PEX14: variants seen among roughly 807,000 people sequenced by gnomAD.
PEX14 encodes the protein peroxisomal biogenesis factor 14.
Under a neutral mutation model 49.5 loss-of-function variants are expected in PEX14, and 15 were observed. The observed-to-expected ratio is 0.30, with a 90% CI of 0.20 to 0.47. PEX14 has a LOEUF of 0.47. Among genes scored for constraint, PEX14 ranks in the 20% least tolerant of loss-of-function variants. PEX14 has a pLI of 1.00. For missense variants in PEX14, 398 were observed against 494.8 expected (o/e 0.80, Z 1.86); for synonymous variants, 210 against 212.7 (o/e 0.99, Z 0.11).
At chr1:10,575,705 TTTTC>T (rs879862816) in intron 3 of PEX14, among the ~76,000 whole-genome samples, 13 of 152,240 alleles carry the variant, frequency 8.5e-5, no homozygotes, top group East Asian at 1.9e-4. Context: ...ACTTAATTTA[TTTTC>T]TTTCTTTCTT....
chr1:10,477,069 ACTTTT>A (rs754475330), intron 1 of PEX14, among the ~76,000 whole-genome samples: 156 of 148,376 alleles, frequency 1.1e-3, no homozygotes, highest in Non-Finnish European at 1.8e-3. Context: ...AAAAACTTGA[ACTTTT>A]CTTTTTTTTT....
At chr1:10,537,226 G>T (rs1163222413) in intron 3 of PEX14, among the ~76,000 whole-genome samples, 1 of 150,344 alleles carries the variant, frequency 6.7e-6, no homozygotes, top group African/African-American at 2.5e-5. Flanking sequence ...TTGGGCAGAA[G>T]AAGCCCAAAC....
chr1:10,529,878 T>C lies in PEX14; in HGVS notation c.85-6335T>C, dbSNP rs137969411. 3.3e-3 allele frequency among the ~76,000 whole-genome samples: 501 copies of C among 152,304 alleles called. 2 individuals are homozygous for C. The highest frequency in any genetic ancestry group is 0.012 in the African/African-American group (488 of 41,566). ...AATTAGGGCCCACAAGCTTAATTAG[T>C]ATAGTGTTGTAACCCAAATCAACAA... On this transcript the variant is annotated intron_variant, in intron 2 of 8. Coordinates refer to ENST00000356607, the MANE Select transcript of PEX14 (RefSeq NM_004565.3). This position sits in a 1 kb window ranked among gnomAD's most constrained non-coding sequence, Gnocchi z 4.2.
chr1:10,531,714 A>G (rs1570219478), intron 2 of PEX14, among the ~76,000 whole-genome samples: 1 of 152,082 alleles, frequency 6.6e-6, no homozygotes, highest in East Asian at 1.9e-4. Flanking sequence ...ACATCTTAGG[A>G]GATAGATGTG....
At chr1:10,579,318 AAAAT>A (rs1236847191) in intron 3 of PEX14, among the ~76,000 whole-genome samples, 2 of 152,152 alleles carry the variant, frequency 1.3e-5, no homozygotes, top group Non-Finnish European at 1.5e-5. Context: ...ATGAAGGAAA[AAAAT>A]AAAGACATTA....
intron 2 of PEX14, chr1:10,524,379 CA>C: frequency 2.8e-6 from 2 of 709,496 alleles, no homozygotes; most frequent in Non-Finnish European, 3.5e-6. Context: ...CTTCAGATAA[CA>C]AAAAGTGAAC....
chr1:10,578,698 G>C (rs1165909409), intron 3 of PEX14, among the ~76,000 whole-genome samples: 6 of 152,176 alleles, frequency 3.9e-5, no homozygotes. Context: ...AGGGTAAAGA[G>C]GTGAGGAGTT....
chr1:10,495,153 C>A lies in PEX14; in HGVS notation c.37-121C>A. The A allele has an allele frequency of 6.4e-7, 1 of 1,568,124 alleles. No homozygotes were observed. The highest frequency in any genetic ancestry group is 1.8e-5 in the Admixed American group (1 of 55,184). ...CAAAATACTCTTGTGTCGTGAAAAACCAGTGAGAGATGTGAGAAAGAGGTG... is the reference window on the plus strand; with the variant it reads ...CAAAATACTCTTGTGTCGTGAAAAAACAGTGAGAGATGTGAGAAAGAGGTG... On this transcript the variant is annotated intron_variant, in intron 1 of 8. Transcript: ENST00000356607. This position sits in a 1 kb window ranked among gnomAD's most constrained non-coding sequence, Gnocchi z 4.2.
chr1:10,605,688 GCCTCCA>G (rs1641106852), intron 4 of PEX14, among the ~76,000 whole-genome samples: 1 of 152,148 alleles, frequency 6.6e-6, no homozygotes, highest in Admixed American at 6.5e-5. Flanking sequence ...AGCAAATGTC[GCCTCCA>G]CCTCTCTCTC....
At chr1:10,483,937 G>C (rs1454574142) in intron 1 of PEX14, among the ~76,000 whole-genome samples, 2 of 127,914 alleles carry the variant, frequency 1.6e-5, no homozygotes, top group Non-Finnish European at 3.3e-5. Flanking sequence ...AATGAATTAT[G>C]TATTCTTTTA....
intron 3 of PEX14, among the ~76,000 whole-genome samples, chr1:10,565,912 G>C (rs1639790982): frequency 6.6e-6 from 1 of 152,178 alleles, no homozygotes; most frequent in African/African-American, 2.4e-5. Flanking sequence ...GGCTGAGGTG[G>C]GAAGATCTCT....
chr1:10,485,948 G>A (rs1641361097), intron 1 of PEX14, among the ~76,000 whole-genome samples: 2 of 151,756 alleles, frequency 1.3e-5, no homozygotes, highest in Non-Finnish European at 2.9e-5. Flanking sequence ...AGTAGAGACG[G>A]GGTTTCACCA....
intron 4 of PEX14, among the ~76,000 whole-genome samples, chr1:10,607,987 A>C (rs1641171426): frequency 6.6e-6 from 1 of 152,154 alleles, no homozygotes; most frequent in African/African-American, 2.4e-5. Flanking sequence ...GTCTTCTAGG[A>C]GACACTGTCT....
intron 4 of PEX14, among the ~76,000 whole-genome samples, chr1:10,607,117 A>G (rs530999627): frequency 1.3e-5 from 2 of 152,042 alleles, no homozygotes; most frequent in African/African-American, 4.8e-5. Flanking sequence ...TCTTTTTTTA[A>G]TATAAATAGA....
At chr1:10,527,872 T>C (rs1479918394) in intron 2 of PEX14, among the ~76,000 whole-genome samples, 1 of 152,126 alleles carries the variant, frequency 6.6e-6, no homozygotes, top group Non-Finnish European at 1.5e-5. Flanking sequence ...GGTTTCGCCA[T>C]GTTGGCCAGG....
intron 3 of PEX14, among the ~76,000 whole-genome samples, chr1:10,564,241 T>C (rs1031339440): frequency 1.2e-4 from 19 of 152,296 alleles, no homozygotes; most frequent in African/African-American, 4.6e-4. Context: ...GTTGTAATTG[T>C]GTTAGACCTT....
rs530187677 is a variant in PEX14, at chr1:10,613,478, C to T, written c.299-4854C>T. On this transcript the variant is annotated intron_variant, in intron 4 of 8. Transcript: ENST00000356607. This position sits in a 1 kb window ranked among gnomAD's most constrained non-coding sequence, Gnocchi z 5.0. ...CCTTTGCTCTATAGCAGTTTATCCC[C>T]TGACCTCATTGCAGCCCACAGCGCC... Among the ~76,000 whole-genome samples the T allele has an allele frequency of 2.6e-5, 4 of 152,336 alleles. No homozygotes were observed. The highest frequency in any genetic ancestry group is 2.6e-4 in the Admixed American group (4 of 15,302).
intron 3 of PEX14, among the ~76,000 whole-genome samples, chr1:10,578,693 A>G (rs1441918782): frequency 1.3e-5 from 2 of 152,166 alleles, no homozygotes; most frequent in Non-Finnish European, 2.9e-5. Context: ...GAGAAAGGGT[A>G]AAGAGGTGAG....
rs1431253309 is a variant in PEX14 at position 10,585,412 on chromosome 1, A to C, written c.170-13826A>C. ...TAATATGAAAGATATAAACCCCCAA[A>C]GTTCAGCATTTACATTAAATATAAA... On this transcript the variant is annotated intron_variant, in intron 3 of 8. Coordinates refer to ENST00000356607, the MANE Select transcript of PEX14 (RefSeq NM_004565.3). Among the ~76,000 whole-genome samples, 3 of 152,212 alleles carry C rather than the reference A, an allele frequency of 2.0e-5. No homozygotes were observed. In the East Asian group the frequency reaches 5.8e-4, roughly 29 times the overall value.
Sources: allele counts gnomAD v4.1 joint callset (sites outside exome capture counted in the v4.1 genomes callset), GRCh38; gene constraint gnomAD v4.1.1; non-coding constraint Gnocchi (gnomAD v3.1); transcripts MANE v1.5; gene names NCBI Gene and HGNC (gene_info 2026-07-23, HGNC 2026-07-21).